The following TSPAN33 variants were observed in gnomAD, a reference collection of about 807,000 sequenced individuals.
The protein encoded by TSPAN33 is tetraspanin-33.
TSPAN33 carries 27 observed loss-of-function variants against 34.8 expected under a neutral mutation model. That is an observed-to-expected ratio of 0.78 (90% CI 0.57 to 1.07). The LOEUF is 1.07. Among genes scored for constraint, TSPAN33 ranks in the 50% least tolerant of loss-of-function variants. TSPAN33 has a pLI of 0.00. For synonymous variants in TSPAN33, 119 were observed against 124.2 expected (o/e 0.96, Z 0.28); for missense variants, 272 against 324.9 (o/e 0.84, Z 1.25).
chr7:129,154,277 G>A (rs760353358), intron 1 of TSPAN33, among the ~76,000 whole-genome samples: 1 of 152,068 alleles, frequency 6.6e-6, no homozygotes, highest in Non-Finnish European at 1.5e-5. Flanking sequence ...AGCTATGATT[G>A]TACCACTGCC....
chr7:129,159,977 A>T (rs1190470877), intron 1 of TSPAN33, among the ~76,000 whole-genome samples: 2 of 152,202 alleles, frequency 1.3e-5, no homozygotes, highest in East Asian at 3.8e-4. Context: ...CAGGAGGTCA[A>T]GGCTGAAATG....
chr7:129,150,701 G>T (rs528315651), intron 1 of TSPAN33, among the ~76,000 whole-genome samples: 2 of 152,124 alleles, frequency 1.3e-5, no homozygotes, highest in East Asian at 3.9e-4. Context: ...TTAGCCCAGC[G>T]CCTGGTCCTT....
chr7:129,154,299 G>A (rs1810639115), intron 1 of TSPAN33, among the ~76,000 whole-genome samples: 1 of 152,164 alleles, frequency 6.6e-6, no homozygotes, highest in African/African-American at 2.4e-5. Context: ...TCCAGCCTGG[G>A]CAACACAAGA....
intron 1 of TSPAN33, among the ~76,000 whole-genome samples, chr7:129,158,751 CT>C (rs1203061214): frequency 2.0e-5 from 3 of 152,026 alleles, no homozygotes; most frequent in Admixed American, 1.3e-4. Flanking sequence ...ACCACATTTT[CT>C]TTTCTTTTTT....
At chr7:129,161,637 T>C (rs1165580126) in intron 1 of TSPAN33, 42 bp from the exon 2 acceptor site, 3 of 1,604,198 alleles carry the variant, frequency 1.9e-6, no homozygotes, top group Middle Eastern at 1.7e-4. Context: ...GGCTCTCTGG[T>C]TTCCAGAATC....
chr7:129,156,216 T>C (rs1291646755), intron 1 of TSPAN33, among the ~76,000 whole-genome samples: 1 of 152,234 alleles, frequency 6.6e-6, no homozygotes, highest in East Asian at 1.9e-4. Context: ...TTATGGCTTT[T>C]GGGAGGAAGA....
Position 129,168,318 on chromosome 7 carries a change from C to G in TSPAN33, c.*444C>G, listed in dbSNP as rs1793175069. 5.9e-6 allele frequency: 1 copy of G among 169,970 alleles called. No individual in the cohort carries two copies. Among genetic ancestry groups the G allele is most frequent in the African/African-American group, 2.4e-5 (1 of 42,026 alleles). 10.5% of individuals were successfully genotyped at this position (169,970 alleles called of 1,614,324 possible). A position where few individuals can be genotyped will look rare whatever the true frequency, so the allele number is the denominator to read the frequency against. On this transcript the variant is annotated 3_prime_UTR_variant, in exon 8 of 8. Transcript: ENST00000486685. ...CACTGGCAGCCCTGCCTGGACTCCA[C>G]TTGGCATGATACCAGCTCCAGAAGG... is the stretch of plus-strand genomic sequence containing the variant.
chr7:129,150,560 C>T (rs1303893669), intron 1 of TSPAN33, among the ~76,000 whole-genome samples: 1 of 152,216 alleles, frequency 6.6e-6, no homozygotes, highest in Non-Finnish European at 1.5e-5. Flanking sequence ...ACCTAGGTTC[C>T]ATTCCCACTT....
chr7:129,168,000 A>T lies in TSPAN33; in HGVS notation c.*126A>T, dbSNP rs1348764959. The T allele has an allele frequency of 1.2e-5, 18 of 1,476,164 alleles. No individual in the cohort carries two copies. Among genetic ancestry groups the T allele is most frequent in the Non-Finnish European group, 1.3e-5 (15 of 1,117,038 alleles). The allele number at this position is 1,476,164 out of a possible 1,614,324, so 91.4% of individuals were successfully genotyped here. On this transcript the variant is annotated 3_prime_UTR_variant, in exon 8 of 8. Coordinates refer to ENST00000486685, the MANE Select transcript of TSPAN33 (RefSeq NM_178562.5). The surrounding 1 kb of genome is among the most constrained non-coding windows in gnomAD (Gnocchi z 4.6). ...CCCCCAGTGACAGCCCAGTGGGAAGAAGCAAACTCCAGATGGGCAGAAGGC... is the reference window on the plus strand; with the variant it reads ...CCCCCAGTGACAGCCCAGTGGGAAGTAGCAAACTCCAGATGGGCAGAAGGC...
Position 129,168,136 on chromosome 7 carries a change from T to G in TSPAN33, c.*262T>G. ...TAAGTGTTTGGGTTTATGTTTTCAG[T>G]TTTGTTTGGGAAACAGCAGTTGCAC... On this transcript the variant is annotated 3_prime_UTR_variant, in exon 8 of 8. Transcript: ENST00000486685. 1 of 570,684 alleles carries G rather than the reference T, an allele frequency of 1.8e-6. No individual in the cohort carries two copies. The highest frequency in any genetic ancestry group is 2.8e-5 in the South Asian group (1 of 35,560). The allele number at this position is 570,684 out of a possible 1,614,324, so 35.4% of individuals were successfully genotyped here.
At position 129,148,569 on chromosome 7, in the gene TSPAN33, G is replaced by A. The variant is rs560643156; in HGVS notation, c.102+3487G>A. ...ATGGACACTGGCCTGTCAAGATGCAGCTCAACCTGGGGTCCTTGAGCACTC... is the reference window on the plus strand; with the variant it reads ...ATGGACACTGGCCTGTCAAGATGCAACTCAACCTGGGGTCCTTGAGCACTC... On this transcript the variant is annotated intron_variant, in intron 1 of 7. Coordinates refer to ENST00000486685, the MANE Select transcript of TSPAN33 (RefSeq NM_178562.5). The surrounding 1 kb of genome is among the most constrained non-coding windows in gnomAD (Gnocchi z 4.2). 2.0e-5 allele frequency among the ~76,000 whole-genome samples: 3 copies of A among 152,276 alleles called. No homozygotes were observed. Among genetic ancestry groups the A allele is most frequent in the African/African-American group, 7.2e-5 (3 of 41,532 alleles).
rs752913628 is a variant in TSPAN33, at chr7:129,148,672, A to G, written c.102+3590A>G. 2.0e-5 allele frequency among the ~76,000 whole-genome samples: 3 copies of G among 152,206 alleles called. No homozygotes were observed. Among genetic ancestry groups the G allele is most frequent in the Non-Finnish European group, 4.4e-5 (3 of 68,032 alleles). ...GGCAACCCTCCACTTAAGCCAGGTCAGAAACATGGCAGCCATCCCCTCCTC... is the reference window on the plus strand; with the variant it reads ...GGCAACCCTCCACTTAAGCCAGGTCGGAAACATGGCAGCCATCCCCTCCTC... On this transcript the variant is annotated intron_variant, in intron 1 of 7. Transcript: ENST00000486685. This position sits in a 1 kb window ranked among gnomAD's most constrained non-coding sequence, Gnocchi z 4.2.
Position 129,161,690 on chromosome 7 carries a change from G to C in TSPAN33, c.114G>C (p.Met38Ile). 3.7e-6 allele frequency: 6 copies of C among 1,614,148 alleles called. No homozygotes were observed. The highest frequency in any genetic ancestry group is 5.1e-6 in the Non-Finnish European group (6 of 1,180,016). The change falls in exon 2 of 8, where the codon ATG becomes ATC. Residue 38 changes from methionine (M) to isoleucine (I), a missense_variant. Transcript: ENST00000486685. Reference sequence around the variant, plus strand: ...TCCTGTCTCCACAGGTGATTTCCATGGTGATGGTGGCTGTGGGTGTCTACG... The same window carrying C: ...TCCTGTCTCCACAGGTGATTTCCATCGTGATGGTGGCTGTGGGTGTCTACG... ...FFNMLFWVIS[M>I]VMVAVGVYAR...
chr7:129,157,519 C>G (rs1302971134), intron 1 of TSPAN33, among the ~76,000 whole-genome samples: 1 of 152,138 alleles, frequency 6.6e-6, no homozygotes, highest in Non-Finnish European at 1.5e-5. Context: ...ATCTGTGGCT[C>G]TAGATCCCTG....
chr7:129,160,938 T>G (rs1277584381), intron 1 of TSPAN33, among the ~76,000 whole-genome samples: 1 of 152,252 alleles, frequency 6.6e-6, no homozygotes, highest in Non-Finnish European at 1.5e-5. Context: ...CCATGCATTA[T>G]TTTAGTTGGT....
intron 1 of TSPAN33, among the ~76,000 whole-genome samples, chr7:129,157,271 A>G (rs1158888450): frequency 6.6e-6 from 1 of 152,006 alleles, no homozygotes; most frequent in Non-Finnish European, 1.5e-5. Flanking sequence ...GCCAAAACCC[A>G]TTTCTAAGGT....
At chr7:129,151,916 T>C (rs1269548814) in intron 1 of TSPAN33, among the ~76,000 whole-genome samples, 1 of 152,224 alleles carries the variant, frequency 6.6e-6, no homozygotes, top group Non-Finnish European at 1.5e-5. Flanking sequence ...TATGTTTGCC[T>C]CCTCACATGA....
In TSPAN33 at chr7:129,168,171, G is replaced by T. The variant is rs1341962877; in HGVS notation, c.*297G>T. 3 of 352,134 alleles carry T rather than the reference G, an allele frequency of 8.5e-6. No homozygotes were observed. Among genetic ancestry groups the T allele is most frequent in the Admixed American group, 4.3e-5 (1 of 23,440 alleles). The allele number at this position is 352,134 out of a possible 1,614,324, so 21.8% of individuals were successfully genotyped here. A position where few individuals can be genotyped will look rare whatever the true frequency, so the allele number is the denominator to read the frequency against. ...GAAACAGCAGTTGCACAGAGAGTTG[G>T]GGGTACTGCTGCTGCCTTTTCACCG... On this transcript the variant is annotated 3_prime_UTR_variant, in exon 8 of 8. Coordinates refer to ENST00000486685, the MANE Select transcript of TSPAN33 (RefSeq NM_178562.5).
rs750771243 is a variant in TSPAN33 at position 129,162,415 on chromosome 7, C to G, written c.182C>G (p.Ala61Gly). 1.2e-6 allele frequency: 2 copies of G among 1,613,710 alleles called. No individual in the cohort carries two copies. Among genetic ancestry groups the G allele is most frequent in the Non-Finnish European group, 1.7e-6 (2 of 1,180,026 alleles). ...CCAGAAGCAGCCCTAGCCTGCCTGG[C>G]AGTGGACCCTGCCATCCTGCTGATC... ...KHAEAALACL[A>G]VDPAILLIVV... Residue 61 changes from alanine to glycine, a missense_variant, in exon 3 of 8, where the codon GCA becomes GGA. Ala to Gly is a moderately conservative substitution (Grantham distance 60). Transcript: ENST00000486685.
Sources: gnomAD v4.1 joint callset for allele counts (sites outside exome capture counted in the v4.1 genomes callset) on GRCh38, gnomAD v4.1.1 for gene constraint, Gnocchi (gnomAD v3.1) non-coding constraint, MANE v1.5 for transcripts, NCBI Gene and HGNC (gene_info 2026-07-23, HGNC 2026-07-21) for gene names.